The following ARID5B variants were observed in gnomAD, a reference collection of about 807,000 sequenced individuals.
The protein encoded by ARID5B is AT-rich interaction domain 5B, also known as AT-rich interactive domain-containing protein 5B.
ARID5B carries 13 observed loss-of-function variants against 97.2 expected under a neutral mutation model. The ratio of observed to expected loss-of-function variants is 0.13; its 90% CI spans 0.09 to 0.21. The LOEUF is 0.21. ARID5B is among the 10% of genes least tolerant of loss of function. The pLI, the probability that ARID5B is intolerant of heterozygous loss-of-function variation, is 1.00. For missense variants in ARID5B, 1,210 were observed against 1,465.3 expected, an observed-to-expected ratio of 0.83 and a Z score of 2.84; for synonymous variants, 556 against 570.3, an observed-to-expected ratio of 0.97 and a Z score of 0.36.
At chr10:61,922,351 C>G (rs1844031013) in intron 2 of ARID5B, among the ~76,000 whole-genome samples, 1 of 152,200 alleles carries the variant, frequency 6.6e-6, no homozygotes, top group Non-Finnish European at 1.5e-5. Context: ...GCCTGTAATC[C>G]CAGCACTTTG....
chr10:62,008,472 G>C (rs1201452491), intron 4 of ARID5B, among the ~76,000 whole-genome samples: 1 of 152,206 alleles, frequency 6.6e-6, no homozygotes, highest in Admixed American at 6.5e-5. Context: ...GATGATGAAT[G>C]TACAGTAGAT....
At chr10:61,997,682 T>C (rs533512230) in intron 3 of ARID5B, among the ~76,000 whole-genome samples, 1 of 152,354 alleles carries the variant, frequency 6.6e-6, no homozygotes, top group East Asian at 1.9e-4. Context: ...TGAGGGGTAG[T>C]CCTGGCACTT....
In ARID5B at chr10:61,989,887, C is replaced by T. The variant is rs1480515192; in HGVS notation, c.503-10204C>T. Among the ~76,000 whole-genome samples, 7 of 152,280 alleles carry T rather than the reference C, an allele frequency of 4.6e-5. No homozygotes were observed. The South Asian group carries it at 1.0e-3, about 23-fold the overall frequency. ...TGATAGATCAATAAGGAAGCATCTC[C>T]AAAACCAATACTTTGATTTGACTCT... On this transcript the variant is annotated intron_variant, in intron 3 of 9. Transcript: ENST00000279873.
At chr10:62,086,704 A>AG (rs1281071438) in intron 9 of ARID5B, among the ~76,000 whole-genome samples, 2 of 143,650 alleles carry the variant, frequency 1.4e-5, no homozygotes, top group African/African-American at 5.1e-5. Context: ...AAAAAAAAAA[A>AG]AAAAAAAATA....
At chr10:62,023,503 A>G (rs1839381705) in intron 4 of ARID5B, among the ~76,000 whole-genome samples, 1 of 152,202 alleles carries the variant, frequency 6.6e-6, no homozygotes, top group Non-Finnish European at 1.5e-5. Flanking sequence ...ATATTCTTGT[A>G]CCAGAAGAAT....
At chr10:62,074,699 T>C (rs747575045) in intron 8 of ARID5B, among the ~76,000 whole-genome samples, 1 of 152,178 alleles carries the variant, frequency 6.6e-6, no homozygotes, top group Non-Finnish European at 1.5e-5. Context: ...TTGGAGTTAA[T>C]AGATACGCAA....
At chr10:62,043,219 A>C (rs1839664094) in intron 4 of ARID5B, among the ~76,000 whole-genome samples, 1 of 152,084 alleles carries the variant, frequency 6.6e-6, no homozygotes, top group African/African-American at 2.4e-5. Context: ...TATTTCCAGA[A>C]TTCTCCCCTT....
chr10:62,036,977 G>T (rs1312511923), intron 4 of ARID5B, among the ~76,000 whole-genome samples: 1 of 152,162 alleles, frequency 6.6e-6, no homozygotes, highest in African/African-American at 2.4e-5. Context: ...CCAACTCTTA[G>T]CAGTGATCTT....
chr10:61,953,401 A>G (rs755933603), intron 3 of ARID5B, among the ~76,000 whole-genome samples: 2 of 152,212 alleles, frequency 1.3e-5, no homozygotes, highest in Non-Finnish European at 2.9e-5. Context: ...GGCTGTGTGT[A>G]TAAAGATACA....
At chr10:62,021,499 C>T (rs35892992) in intron 4 of ARID5B, among the ~76,000 whole-genome samples, 28,019 of 152,030 alleles carry the variant, frequency 0.18, 2,763 homozygotes, top group Middle Eastern at 0.27. Context: ...AATTGAAAAC[C>T]TAAATTCATC....
chr10:62,084,228 A>G (rs1302844500), intron 8 of ARID5B, among the ~76,000 whole-genome samples: 3 of 152,230 alleles, frequency 2.0e-5, no homozygotes, highest in Non-Finnish European at 4.4e-5. Context: ...CTAATATGCT[A>G]TAAATTGGGA....
chr10:61,989,388 C>G (rs1838891859), intron 3 of ARID5B, among the ~76,000 whole-genome samples: 1 of 152,046 alleles, frequency 6.6e-6, no homozygotes. Flanking sequence ...TAATGCTGCT[C>G]TAAAAGATTT....
intron 7 of ARID5B, among the ~76,000 whole-genome samples, chr10:62,068,499 T>A (rs1256093435): frequency 1.3e-5 from 2 of 152,142 alleles, no homozygotes; most frequent in African/African-American, 4.8e-5. Flanking sequence ...GATTTACAAT[T>A]ACAGAGCCCC....
At chr10:61,970,581 G>C (rs1036878726) in intron 3 of ARID5B, among the ~76,000 whole-genome samples, 3 of 152,170 alleles carry the variant, frequency 2.0e-5, no homozygotes, top group African/African-American at 2.4e-5. Context: ...CTGTTTTGCT[G>C]TCAGTTTAAT....
intron 3 of ARID5B, among the ~76,000 whole-genome samples, chr10:61,964,994 C>T (rs1186217458): frequency 6.6e-6 from 1 of 152,170 alleles, no homozygotes; most frequent in African/African-American, 2.4e-5. Flanking sequence ...CCTAGATATA[C>T]TTTAACTTTT....
At position 61,996,507 on chromosome 10, in the gene ARID5B, A is replaced by G. The variant is rs143211440; in HGVS notation, c.503-3584A>G. 3.0e-3 allele frequency among the ~76,000 whole-genome samples: 459 copies of G among 152,278 alleles called. 2 individuals are homozygous for G. Among genetic ancestry groups the G allele is most frequent in the African/African-American group, 0.01 (429 of 41,566 alleles). ...GAGTTTTGGGTCCAGCCTGAAGAAC[A>G]GAGAGAGGCCCATCTCTTAAAGAAA... On this transcript the variant is annotated intron_variant, in intron 3 of 9. Coordinates refer to ENST00000279873, the MANE Select transcript of ARID5B (RefSeq NM_032199.3).
At chr10:62,081,132 C>T (rs1220256421) in intron 8 of ARID5B, among the ~76,000 whole-genome samples, 1 of 152,144 alleles carries the variant, frequency 6.6e-6, no homozygotes, top group Non-Finnish European at 1.5e-5. Flanking sequence ...TGACATGCAC[C>T]AATGTTATTT....
intron 3 of ARID5B, among the ~76,000 whole-genome samples, chr10:61,961,711 C>T (rs1476515826): frequency 6.9e-4 from 105 of 152,104 alleles, no homozygotes; most frequent in Non-Finnish European, 5.9e-5. Context: ...GGCTTGGGGA[C>T]CTCAGTGTCT....
At chr10:61,992,116 T>C (rs1589249526) in intron 3 of ARID5B, among the ~76,000 whole-genome samples, 1 of 152,074 alleles carries the variant, frequency 6.6e-6, no homozygotes, top group South Asian at 2.1e-4. Flanking sequence ...TCAGGCCCCA[T>C]AGAATAACAC....
Sources: gnomAD v4.1 joint callset for allele counts (sites outside exome capture counted in the v4.1 genomes callset) on GRCh38, gnomAD v4.1.1 for gene constraint, MANE v1.5 for transcripts, NCBI Gene and HGNC (gene_info 2026-07-23, HGNC 2026-07-21) for gene names.